The following NAALADL2 variants were observed in gnomAD, a reference collection of about 807,000 sequenced individuals.
NAALADL2 encodes inactive N-acetylated-alpha-linked acidic dipeptidase-like protein 2.
In NAALADL2, 76 loss-of-function variants were observed where a neutral mutation model predicts 87.2. The observed-to-expected ratio is 0.87, with a 90% CI of 0.72 to 1.05. NAALADL2 has a LOEUF of 1.05. NAALADL2 is among the 50% of genes least tolerant of loss of function. The pLI is 0.00. For missense variants in NAALADL2, 1,089 were observed against 945.8 expected (o/e 1.15, Z -1.99); for synonymous variants, 354 against 331.0 (o/e 1.07, Z -0.75).
rs1004222769 is a variant in NAALADL2, at chr3:175,024,610, A to G, written c.44-72180A>G. On this transcript the variant is annotated intron_variant, in intron 1 of 13. Transcript: ENST00000454872. ...AAATGTTCACTATTCTTAGAATATT[A>G]TTGTATGCATTATAGTGAAACATAA... Among the ~76,000 whole-genome samples the G allele has an allele frequency of 2.6e-5, 4 of 152,272 alleles. No individual in the cohort carries two copies. The South Asian group carries it at 8.3e-4, about 32-fold the overall frequency.
At chr3:175,498,132 T>C (rs1243394976) in intron 9 of NAALADL2, among the ~76,000 whole-genome samples, 2 of 151,858 alleles carry the variant, frequency 1.3e-5, no homozygotes, top group African/African-American at 2.4e-5. Flanking sequence ...CTATTACAGA[T>C]AGCACAGTCA....
At chr3:175,800,210 C>T (rs981239170) in intron 13 of NAALADL2, among the ~76,000 whole-genome samples, 3 of 152,060 alleles carry the variant, frequency 2.0e-5, no homozygotes, top group Non-Finnish European at 2.9e-5. Context: ...GCAGTTCTAT[C>T]CCTCTTTTAC....
chr3:175,464,293 G>C (rs2096915812), intron 7 of NAALADL2, among the ~76,000 whole-genome samples: 1 of 151,816 alleles, frequency 6.6e-6, no homozygotes, highest in South Asian at 2.1e-4. Flanking sequence ...ATGTGCTTAT[G>C]AAAATGGTCA....
intron 1 of NAALADL2, among the ~76,000 whole-genome samples, chr3:174,906,529 C>A (rs1732983941): frequency 6.6e-6 from 1 of 152,080 alleles, no homozygotes; most frequent in Non-Finnish European, 1.5e-5. Context: ...GCCTACATGG[C>A]AAGGATTTGA....
chr3:175,501,642 C>T (rs1729566075), intron 9 of NAALADL2, among the ~76,000 whole-genome samples: 1 of 152,036 alleles, frequency 6.6e-6, no homozygotes, highest in South Asian at 2.1e-4. Flanking sequence ...TGATAAATGT[C>T]CTTTATCTGA....
At chr3:175,487,848 A>G (rs1244036610) in intron 9 of NAALADL2, among the ~76,000 whole-genome samples, 2 of 152,170 alleles carry the variant, frequency 1.3e-5, no homozygotes, top group African/African-American at 4.8e-5. Flanking sequence ...AAGGCATAGG[A>G]TGTCTGCCAT....
intron 3 of NAALADL2, among the ~76,000 whole-genome samples, chr3:174,831,174 T>G (rs1280188790): frequency 6.6e-6 from 1 of 151,992 alleles, no homozygotes; most frequent in Non-Finnish European, 1.5e-5. Context: ...GAGGGCATCC[T>G]TGTCTTGTGC....
intron 1 of NAALADL2, among the ~76,000 whole-genome samples, chr3:174,936,329 A>ACATGTATATATATATATATATATATATAT (rs1737678493): frequency 6.6e-6 from 1 of 152,028 alleles, no homozygotes; most frequent in Non-Finnish European, 1.5e-5. Flanking sequence ...CTTGAAGAAG[A>ACATGTATATATATATATATATATATATAT]ATTATTTCTT....
intron 1 of NAALADL2, among the ~76,000 whole-genome samples, chr3:174,530,555 T>C (rs1479533309): frequency 6.6e-6 from 1 of 152,144 alleles, no homozygotes; most frequent in African/African-American, 2.4e-5. Context: ...ACTGGGCAAT[T>C]TACAAAAGAA....
intron 2 of NAALADL2, among the ~76,000 whole-genome samples, chr3:174,630,680 C>T (rs1722025380): frequency 6.6e-6 from 1 of 152,150 alleles, no homozygotes; most frequent in Non-Finnish European, 1.5e-5. Flanking sequence ...ACATTTATCA[C>T]TTCAACAGCT....
intron 1 of NAALADL2, among the ~76,000 whole-genome samples, chr3:174,919,603 C>T (rs1236315152): frequency 1.3e-5 from 2 of 152,176 alleles, no homozygotes; most frequent in Admixed American, 6.5e-5. Context: ...CCACTGAAGT[C>T]CTCAACCTCT....
chr3:174,792,796 C>A (rs1437271396), intron 3 of NAALADL2, among the ~76,000 whole-genome samples: 1 of 152,108 alleles, frequency 6.6e-6, no homozygotes, highest in Non-Finnish European at 1.5e-5. Flanking sequence ...CTATTCAAGT[C>A]TGGATTCATA....
At chr3:174,677,509 C>T (rs138346527) in intron 2 of NAALADL2, among the ~76,000 whole-genome samples, 9 of 152,152 alleles carry the variant, frequency 5.9e-5, no homozygotes, top group Non-Finnish European at 1.3e-4. Context: ...TCAATTCTTA[C>T]TATTCACAAT....
intron 2 of NAALADL2, among the ~76,000 whole-genome samples, chr3:174,640,946 G>T (rs1723116209): frequency 6.6e-6 from 1 of 152,156 alleles, no homozygotes; most frequent in Non-Finnish European, 1.5e-5. Context: ...CTCTTTCCCG[G>T]AAGCACCGAG....
In NAALADL2 at chr3:175,448,263, G is replaced by A. The variant is rs149334395; in HGVS notation, c.1234+891G>A. Reference sequence around the variant, plus strand: ...AACAAGGTGGGAAAATTAGAAAACAGTAATAAGCCAATGTCCTCAAAGCAG... The same window carrying A: ...AACAAGGTGGGAAAATTAGAAAACAATAATAAGCCAATGTCCTCAAAGCAG... On this transcript the variant is annotated intron_variant, in intron 6 of 13. Coordinates refer to ENST00000454872, the MANE Select transcript of NAALADL2 (RefSeq NM_207015.3). Among the ~76,000 whole-genome samples, 31 of 152,340 alleles carry A rather than the reference G, an allele frequency of 2.0e-4. No individual in the cohort carries two copies. The East Asian group carries it at 5.4e-3, about 27-fold the overall frequency.
chr3:175,545,604 C>G (rs1284539606), intron 9 of NAALADL2, among the ~76,000 whole-genome samples: 2 of 152,006 alleles, frequency 1.3e-5, no homozygotes, highest in Non-Finnish European at 2.9e-5. Context: ...TGCAAAGCAC[C>G]TTGCATTACT....
intron 3 of NAALADL2, among the ~76,000 whole-genome samples, chr3:174,782,986 T>A (rs1716172781): frequency 6.6e-6 from 1 of 152,190 alleles, no homozygotes; most frequent in African/African-American, 2.4e-5. Flanking sequence ...TTCTCTCATA[T>A]TTAAGATGAA....
intron 1 of NAALADL2, among the ~76,000 whole-genome samples, chr3:174,893,404 A>C (rs1464822994): frequency 6.6e-6 from 1 of 151,852 alleles, no homozygotes; most frequent in Non-Finnish European, 1.5e-5. Flanking sequence ...ACGGACTATG[A>C]TAACACTGTA....
At position 175,273,621 on chromosome 3, in the gene NAALADL2, A is replaced by G. The variant is rs150407121; in HGVS notation, c.939+17091A>G. Among the ~76,000 whole-genome samples, 19 of 152,266 alleles carry G rather than the reference A, an allele frequency of 1.2e-4. No individual in the cohort carries two copies. The East Asian group carries it at 3.3e-3, about 26-fold the overall frequency. ...AAGATAATAAAAAGGTAAAACTTGC[A>G]AAAATCAAATTGTTGTTTAAGGAAA... On this transcript the variant is annotated intron_variant, in intron 4 of 13. Transcript: ENST00000454872.
Sources: allele counts gnomAD v4.1 joint callset (sites outside exome capture counted in the v4.1 genomes callset), GRCh38; gene constraint gnomAD v4.1.1; transcripts MANE v1.5; gene names NCBI Gene and HGNC (gene_info 2026-07-23, HGNC 2026-07-21).